Variants in AP2A2 observed in about 807,000 individuals in gnomAD.
AP2A2 encodes the protein AP-2 complex subunit alpha-2.
A neutral mutation model predicts 104.2 loss-of-function variants in AP2A2; 32 were observed. The ratio of observed to expected loss-of-function variants is 0.31; its 90% confidence interval spans 0.23 to 0.41. The LOEUF (loss-of-function observed/expected upper bound fraction) is 0.41. Among genes scored for constraint, AP2A2 ranks in the 10% least tolerant of loss-of-function variants. The pLI, the probability that AP2A2 is intolerant of heterozygous loss-of-function variation, is 1.00. For synonymous variants in AP2A2, 539 were observed against 533.3 expected (o/e 1.01, Z -0.15); for missense variants, 912 against 1,261.0 (o/e 0.72, Z 4.19).
In AP2A2 at chr11:968,072, G is replaced by T. The variant is rs1392913529; in HGVS notation, c.137-2097G>T. The stretch of plus-strand genomic sequence containing the variant: ...ACCTGCCCCACCGAGATGGGTGAGG[G>T]TGTGGAGCGAGCATTGCTGCTTGTT... On this transcript the variant is annotated intron_variant, in intron 2 of 21. Transcript: ENST00000448903. This position sits in a 1 kb window ranked among gnomAD's most constrained non-coding sequence, Gnocchi z 4.2. 6.6e-6 allele frequency among the ~76,000 whole-genome samples: 1 copy of T among 152,132 alleles called. No homozygotes were observed. The highest frequency in any genetic ancestry group is 2.4e-5 in the African/African-American group (1 of 41,422).
At chr11:964,534 G>C (rs1242437859) in intron 2 of AP2A2, among the ~76,000 whole-genome samples, 1 of 152,146 alleles carries the variant, frequency 6.6e-6, no homozygotes, top group Non-Finnish European at 1.5e-5. Flanking sequence ...TTAATTTGGG[G>C]CCCTGTTCCT....
intron 1 of AP2A2, among the ~76,000 whole-genome samples, chr11:941,593 CT>C (rs869159950): frequency 7.8e-4 from 111 of 142,016 alleles, no homozygotes; most frequent in Middle Eastern, 3.6e-3. Flanking sequence ...CTTTCTTATT[CT>C]TTTTTTTTTT....
rs199671518 is a variant in AP2A2, at chr11:973,943, C to T, written c.473+1688C>T. 7.9e-5 allele frequency among the ~76,000 whole-genome samples: 12 copies of T among 152,294 alleles called. No individual in the cohort carries two copies. In the East Asian group the frequency reaches 2.3e-3, roughly 29 times the overall value. ...TGCTTGGTGGATGTCTGCGCGTGAG[C>T]GGAATGCAAGACAGGGCCACCCCTG... On this transcript the variant is annotated intron_variant, in intron 4 of 21. Coordinates refer to ENST00000448903, the MANE Select transcript of AP2A2 (RefSeq NM_012305.4).
At position 969,219 on chromosome 11, in the gene AP2A2, C is replaced by CTTTTTTTTTTTTTTT. The variant is rs1564799363; in HGVS notation, c.137-950_137-949insTTTTTTTTTTTTTTT. Among the ~76,000 whole-genome samples the CTTTTTTTTTTTTTTT allele has an allele frequency of 1.8e-5, 2 of 112,812 alleles. 1 individual carries two copies. Among genetic ancestry groups the CTTTTTTTTTTTTTTT allele is most frequent in the Non-Finnish European group, 3.7e-5 (2 of 54,346 alleles). 74.0% of individuals were successfully genotyped at this position (112,812 alleles called of 152,430 possible). A position where few individuals can be genotyped will look rare whatever the true frequency, so the allele number is the denominator to read the frequency against. On this transcript the variant is annotated intron_variant, in intron 2 of 21. Coordinates refer to ENST00000448903, the MANE Select transcript of AP2A2 (RefSeq NM_012305.4). ...GAAACTCCTGGCAATGTAGAACAGC[C>CTTTTTTTTTTTTTTT]CTTTTTTTTTTTTTTTTTTTTTTTT...
At chr11:930,450 G>A (rs561232350) in intron 1 of AP2A2, among the ~76,000 whole-genome samples, 22 of 152,116 alleles carry the variant, frequency 1.4e-4, no homozygotes, top group African/African-American at 5.3e-4. Context: ...GTGTGTGAGA[G>A]TTAATAAACT....
At chr11:1,008,540 G>T in intron 18 of AP2A2, 1 of 214,738 alleles carries the variant, frequency 4.7e-6, no homozygotes. Context: ...GTTGAGCTCA[G>T]ATCGTACCAC....
chr11:967,557 T>C (rs1854662429), intron 2 of AP2A2, among the ~76,000 whole-genome samples: 1 of 151,810 alleles, frequency 6.6e-6, no homozygotes, highest in African/African-American at 2.4e-5. Flanking sequence ...AGACAGGATT[T>C]CACCGTGTTA....
In AP2A2 at chr11:1,003,758, C is replaced by T. The variant is rs1159576210; in HGVS notation, c.2160C>T (p.Asn720=). The T allele has an allele frequency of 6.2e-7, 1 of 1,609,566 alleles. No homozygotes were observed. Among genetic ancestry groups the T allele is most frequent in the African/African-American group, 1.3e-5 (1 of 74,808 alleles). ...AAAACAATGGTGTGTTGTTTGAAAA[C>T]CAGCTGCTTCAAATTGGACTTAAGT... is the stretch of plus-strand genomic sequence containing the variant. ...VCKNNGVLFE[N]QLLQIGLKSE... is the part of the protein sequence containing the mutation. The change falls in exon 16 of 22, where the codon AAC becomes AAT. Residue 720 remains asparagine (N), a synonymous_variant. Coordinates refer to ENST00000448903, the MANE Select transcript of AP2A2 (RefSeq NM_012305.4).
chr11:930,892 C>T (rs532387726), intron 1 of AP2A2, among the ~76,000 whole-genome samples: 1 of 152,312 alleles, frequency 6.6e-6, no homozygotes, highest in East Asian at 1.9e-4. Context: ...GACACTGGTA[C>T]ACACCACCAG....
chr11:974,697 A>AAAAG (rs71464123), intron 4 of AP2A2, among the ~76,000 whole-genome samples: 1 of 145,472 alleles, frequency 6.9e-6, no homozygotes, highest in African/African-American at 2.5e-5. Flanking sequence ...AAAAAAAAAA[A>AAAAG]AAAAGAAAGC....
Position 1,009,701 on chromosome 11 carries a change from G to C in AP2A2, c.2626G>C (p.Ala876Pro). The change falls in exon 21 of 22, where the codon GCA becomes CCA. Residue 876 changes from alanine (A) to proline (P), a missense_variant. Coordinates refer to ENST00000448903, the MANE Select transcript of AP2A2 (RefSeq NM_012305.4). ...TGGACAGATCATTGGATTTGGTTCT[G>C]CACTTCTTGAAGAAGTTGATCCTAA... ...TKAKIIGFGS[A>P]LLEEVDPNPA... 1 of 1,572,794 alleles carries C rather than the reference G, an allele frequency of 6.4e-7. No individual in the cohort carries two copies. The highest frequency in any genetic ancestry group is 8.6e-7 in the Non-Finnish European group (1 of 1,157,978).
rs1191124405 is a variant in AP2A2 at position 1,011,638 on chromosome 11, G to A, written c.*1013G>A. 2.6e-6 allele frequency: 1 copy of A among 381,388 alleles called. No individual in the cohort carries two copies. The highest frequency in any genetic ancestry group is 5.3e-6 in the Non-Finnish European group (1 of 189,852). The allele number at this position is 381,388 out of a possible 1,614,324, so 23.6% of individuals were successfully genotyped here. Reference sequence around the variant, plus strand: ...GCGAGAGAGTGGGGCCGGCCTAGGAGCCAAGGCTGGGGCCTTGCGCTCTGT... The same window carrying A: ...GCGAGAGAGTGGGGCCGGCCTAGGAACCAAGGCTGGGGCCTTGCGCTCTGT... On this transcript the variant is annotated 3_prime_UTR_variant, in exon 22 of 22. Transcript: ENST00000448903.
chr11:925,895 C>G lies in AP2A2; in HGVS notation c.-127C>G, dbSNP rs1207264528. On this transcript the variant is annotated 5_prime_UTR_variant, in exon 1 of 22. Coordinates refer to ENST00000448903, the MANE Select transcript of AP2A2 (RefSeq NM_012305.4). ...AGAAAGCGGCGCTGGGACCCTGAGG[C>G]GGCCGTGGTTAGGCGGCTCCCCGGC... 1 of 630,884 alleles carries G rather than the reference C, an allele frequency of 1.6e-6. No individual in the cohort carries two copies. Among genetic ancestry groups the G allele is most frequent in the African/African-American group, 2.0e-5 (1 of 51,216 alleles). 39.1% of individuals were successfully genotyped at this position (630,884 alleles called of 1,614,324 possible). A position where few individuals can be genotyped will look rare whatever the true frequency, so the allele number is the denominator to read the frequency against.
At chr11:1,003,682 G>A in intron 15 of AP2A2, 40 bp from the exon 16 acceptor site, 1 of 1,361,522 alleles carries the variant, frequency 7.3e-7, no homozygotes, top group Non-Finnish European at 1.0e-6. Context: ...TTTTCTGCAG[G>A]TGGCTTTGAG....
At chr11:1,003,876 C>G in intron 16 of AP2A2, 72 bp downstream of exon 16, 1 of 1,020,782 alleles carries the variant, frequency 9.8e-7, no homozygotes, top group Non-Finnish European at 1.5e-6. Flanking sequence ...ATTTGCAAAT[C>G]ATATACTTAT....
chr11:933,231 G>A (rs1373993350), intron 1 of AP2A2, among the ~76,000 whole-genome samples: 1 of 152,148 alleles, frequency 6.6e-6, no homozygotes, highest in Non-Finnish European at 1.5e-5. Flanking sequence ...TTGCGCCACT[G>A]CACTATAGCC....
At chr11:988,403 C>T (rs1589998315) in intron 9 of AP2A2, 149 bp from the exon 10 acceptor site, 1 of 1,015,138 alleles carries the variant, frequency 9.9e-7, no homozygotes, top group East Asian at 2.4e-5. Context: ...CACACGTGGC[C>T]CGAGTGCAGG....
chr11:977,023 TG>T (rs1196917013), intron 4 of AP2A2, 71 bp from the exon 5 acceptor site: 27 of 1,589,614 alleles, frequency 1.7e-5, no homozygotes, highest in East Asian at 6.8e-5. Flanking sequence ...CTGCTGGCTC[TG>T]GGGGGGTGCT....
At position 926,026 on chromosome 11, in the gene AP2A2, C is replaced by T; in HGVS notation, c.5C>T (p.Pro2Leu). The stretch of plus-strand genomic sequence containing the variant: ...GCCGCTCCCGAGCGTCGGAAGATGC[C>T]GGCCGTGTCCAAGGGGGACGGGATG... M[P>L]AVSKGDGMRG... is the part of the protein sequence containing the mutation. Residue 2 changes from proline (P) to leucine (L), a missense_variant, in exon 1 of 22, where the codon CCG (proline) becomes CTG (leucine). Coordinates refer to ENST00000448903, the MANE Select transcript of AP2A2 (RefSeq NM_012305.4). The T allele has an allele frequency of 6.4e-6, 9 of 1,409,120 alleles. No homozygotes were observed. The highest frequency in any genetic ancestry group is 8.4e-6 in the Non-Finnish European group (9 of 1,069,536). The allele number at this position is 1,409,120 out of a possible 1,614,324, so 87.3% of individuals were successfully genotyped here.
Sources: gnomAD v4.1 joint callset for allele counts (sites outside exome capture counted in the v4.1 genomes callset) on GRCh38, gnomAD v4.1.1 for gene constraint, Gnocchi (gnomAD v3.1) non-coding constraint, MANE v1.5 for transcripts, NCBI Gene and HGNC (gene_info 2026-07-23, HGNC 2026-07-21) for gene names.